The following VPS13B variants were observed in gnomAD, a reference collection of about 807,000 sequenced individuals.
The protein encoded by VPS13B is intermembrane lipid transfer protein VPS13B.
VPS13B carries 285 observed loss-of-function variants against 426.4 expected under a neutral mutation model. That is an observed-to-expected ratio of 0.67 (90% CI 0.61 to 0.74). VPS13B has a LOEUF of 0.74. Among genes scored for constraint, VPS13B ranks in the 30% least tolerant of loss-of-function variants. The pLI is 0.00. For missense variants in VPS13B, 4,537 were observed against 4,782.6 expected, an observed-to-expected ratio of 0.95 and a Z score of 1.51; for synonymous variants, 1,676 against 1,676.4, an observed-to-expected ratio of 1.00 and a Z score of 0.01.
chr8:99,336,088 G>A lies in VPS13B; in HGVS notation c.2825-48120G>A, dbSNP rs539076081. On this transcript the variant is annotated intron_variant, in intron 19 of 61. Coordinates refer to ENST00000357162, the MANE Select transcript of VPS13B (RefSeq NM_152564.5). ...CCTAAGCCAAAGAACAAAGCAGGAG[G>A]CATCATGCTACCTGACTTCAAACTA... is the stretch of plus-strand genomic sequence containing the variant. Among the ~76,000 whole-genome samples, 26 of 152,266 alleles carry A rather than the reference G, an allele frequency of 1.7e-4. 1 individual carries two copies. The highest frequency in any genetic ancestry group is 5.8e-4 in the African/African-American group (24 of 41,546).
intron 3 of VPS13B, among the ~76,000 whole-genome samples, chr8:99,051,454 C>G (rs889951850): frequency 1.3e-5 from 2 of 151,508 alleles, no homozygotes; most frequent in African/African-American, 4.8e-5. Context: ...AGTTTGAAGT[C>G]AGGTAGCATG....
chr8:99,422,733 A>G (rs1816441525), intron 21 of VPS13B, among the ~76,000 whole-genome samples: 1 of 152,192 alleles, frequency 6.6e-6, no homozygotes, highest in Non-Finnish European at 1.5e-5. Flanking sequence ...CATTTTTATA[A>G]AACAATTCTG....
At chr8:99,572,460 C>G (rs189696557) in intron 31 of VPS13B, among the ~76,000 whole-genome samples, 15 of 150,862 alleles carry the variant, frequency 9.9e-5, no homozygotes, top group African/African-American at 3.7e-4. Context: ...TCCCTCCCCC[C>G]ACCCCACAAC....
intron 39 of VPS13B, among the ~76,000 whole-genome samples, chr8:99,725,362 C>G (rs1195639101): frequency 6.6e-6 from 1 of 152,188 alleles, no homozygotes; most frequent in African/African-American, 2.4e-5. Context: ...CACCTGAGCT[C>G]TGCCTCCCAA....
rs2130678548 is a variant in VPS13B at position 99,778,761 on chromosome 8, A to G, written c.7509A>G (p.Arg2503=). Residue 2503 remains arginine, a synonymous_variant, in exon 42 of 62, where the codon AGA becomes AGG. Coordinates refer to ENST00000357162, the MANE Select transcript of VPS13B (RefSeq NM_152564.5). ...TAGAATACATGATTGTTTCCTTCAG[A>G]GAACCACACATGTATCTTCGACAGT... is the stretch of plus-strand genomic sequence containing the variant. ...SELEYMIVSF[R]EPHMYLRQWN... 6.2e-7 allele frequency: 1 copy of G among 1,614,028 alleles called. No homozygotes were observed. Among genetic ancestry groups the G allele is most frequent in the Non-Finnish European group, 8.5e-7 (1 of 1,179,912 alleles).
chr8:99,478,465 TG>T (rs371471849), intron 24 of VPS13B, among the ~76,000 whole-genome samples: 27,977 of 111,864 alleles, frequency 0.25, 3,164 homozygotes, highest in East Asian at 0.41. Context: ...TTTTTTTTTT[TG>T]TTTTTTGTTT....
At chr8:99,126,051 G>A (rs562394698) in intron 8 of VPS13B, among the ~76,000 whole-genome samples, 1 of 152,214 alleles carries the variant, frequency 6.6e-6, no homozygotes, top group South Asian at 2.1e-4. Flanking sequence ...ATATTCTTGA[G>A]TGGATAAGAG....
At chr8:99,524,684 T>C (rs1024989260) in intron 30 of VPS13B, among the ~76,000 whole-genome samples, 1 of 152,150 alleles carries the variant, frequency 6.6e-6, no homozygotes, top group African/African-American at 2.4e-5. Context: ...GTCCCACTGT[T>C]CTGCAATCTG....
chr8:99,869,763 G>A (rs1036933700), intron 59 of VPS13B, among the ~76,000 whole-genome samples: 3 of 152,312 alleles, frequency 2.0e-5, no homozygotes, highest in African/African-American at 7.2e-5. Context: ...GCTTCACATG[G>A]CCGTTTTGGT....
intron 33 of VPS13B, among the ~76,000 whole-genome samples, chr8:99,622,151 A>G (rs1187314379): frequency 6.6e-6 from 1 of 152,328 alleles, no homozygotes; most frequent in East Asian, 1.9e-4. Flanking sequence ...GGCTAGAGAC[A>G]AGATTAGTAG....
chr8:99,177,881 C>T (rs1300868890), intron 16 of VPS13B, among the ~76,000 whole-genome samples: 1 of 152,118 alleles, frequency 6.6e-6, no homozygotes, highest in African/African-American at 2.4e-5. Flanking sequence ...TTTGCCTGTG[C>T]ACAGCAGTGG....
chr8:99,258,182 A>G (rs1028359814), intron 17 of VPS13B, among the ~76,000 whole-genome samples: 1 of 147,060 alleles, frequency 6.8e-6, no homozygotes, highest in Non-Finnish European at 1.5e-5. Context: ...AGAAAAAAGC[A>G]CTCTAATATT....
At chr8:99,114,240 C>A (rs1213152746) in intron 6 of VPS13B, among the ~76,000 whole-genome samples, 1 of 151,386 alleles carries the variant, frequency 6.6e-6, no homozygotes, top group Non-Finnish European at 1.5e-5. Context: ...AGGGGAGTGC[C>A]TATGTCATAC....
chr8:99,657,002 G>T (rs151018266), intron 34 of VPS13B, among the ~76,000 whole-genome samples: 1 of 152,086 alleles, frequency 6.6e-6, no homozygotes, highest in African/African-American at 2.4e-5. Flanking sequence ...TTAAAAACCC[G>T]TTATATTAAT....
At chr8:99,860,695 T>C (rs993344800) in intron 57 of VPS13B, among the ~76,000 whole-genome samples, 3 of 152,218 alleles carry the variant, frequency 2.0e-5, no homozygotes, top group African/African-American at 7.2e-5. Flanking sequence ...GGACCTGCAA[T>C]AACAGATGAG....
At chr8:99,154,855 G>T (rs1811274225) in intron 14 of VPS13B, among the ~76,000 whole-genome samples, 1 of 151,932 alleles carries the variant, frequency 6.6e-6, no homozygotes, top group East Asian at 1.9e-4. Context: ...CATTATCAAA[G>T]CCTCTATAAT....
At chr8:99,116,518 C>T (rs748677569) in intron 7 of VPS13B, among the ~76,000 whole-genome samples, 15 of 152,150 alleles carry the variant, frequency 9.9e-5, no homozygotes, top group South Asian at 2.1e-4. Flanking sequence ...ACTGCAGCCG[C>T]GACCTCCCAG....
chr8:99,221,528 T>C (rs940101692), intron 17 of VPS13B, among the ~76,000 whole-genome samples: 11 of 152,258 alleles, frequency 7.2e-5, no homozygotes. Flanking sequence ...TTCTTATGAA[T>C]ATATCTTTGA....
intron 16 of VPS13B, among the ~76,000 whole-genome samples, chr8:99,172,274 G>A (rs988007124): frequency 3.3e-5 from 5 of 152,096 alleles, no homozygotes; most frequent in Admixed American, 6.6e-5. Context: ...TATTTTGGAA[G>A]TTTGGAGTAT....
Sources: allele counts gnomAD v4.1 joint callset (sites outside exome capture counted in the v4.1 genomes callset), GRCh38; gene constraint gnomAD v4.1.1; transcripts MANE v1.5; gene names NCBI Gene and HGNC (gene_info 2026-07-23, HGNC 2026-07-21).